Variants in TRIM36 observed in about 807,000 individuals in gnomAD.
TRIM36 encodes the protein tripartite motif containing 36, also known as E3 ubiquitin-protein ligase TRIM36.
In TRIM36, 42 loss-of-function variants were observed where a neutral mutation model predicts 72.4. The ratio of observed to expected loss-of-function variants is 0.58; its 90% CI spans 0.45 to 0.75. TRIM36 has a LOEUF of 0.75. Ranked by LOEUF, TRIM36 falls within the 30% of genes least tolerant of loss-of-function variation. TRIM36 has a pLI of 0.00. For missense variants in TRIM36, 913 were observed against 857.1 expected (o/e 1.07, Z -0.81); for synonymous variants, 315 against 282.8 (o/e 1.11, Z -1.14).
chr5:115,144,887 T>C (rs1753496024), intron 3 of TRIM36, 143 bp from the exon 4 acceptor site: 3 of 851,826 alleles, frequency 3.5e-6, no homozygotes, highest in Non-Finnish European at 3.5e-6. Context: ...AAATGGTTGA[T>C]ACATCACATG....
chr5:115,134,613 T>G (rs1752867348), intron 7 of TRIM36, among the ~76,000 whole-genome samples: 1 of 152,100 alleles, frequency 6.6e-6, no homozygotes, highest in South Asian at 2.1e-4. Flanking sequence ...TGATCTCAGC[T>G]CACTCCAACC....
intron 7 of TRIM36, 50 bp downstream of exon 7, chr5:115,136,950 A>G (rs1752993284): frequency 4.0e-6 from 6 of 1,514,702 alleles, no homozygotes; most frequent in Non-Finnish European, 5.3e-6. Context: ...CTTCCACACA[A>G]TACAAATTCA....
upstream of TRIM36, among the ~76,000 whole-genome samples, chr5:115,170,537 T>C (rs1001483786): frequency 2.0e-5 from 3 of 152,158 alleles, no homozygotes; most frequent in African/African-American, 7.2e-5. Flanking sequence ...TGGGGTTCCC[T>C]GGCCCCGCCC....
At chr5:115,156,136 A>G (rs1754167384) in intron 2 of TRIM36, among the ~76,000 whole-genome samples, 1 of 152,166 alleles carries the variant, frequency 6.6e-6, no homozygotes, top group African/African-American at 2.4e-5. Context: ...AAAGAAAACT[A>G]CAAAACACTG....
chr5:115,156,207 A>G (rs1374980764), intron 2 of TRIM36, among the ~76,000 whole-genome samples: 2 of 152,208 alleles, frequency 1.3e-5, no homozygotes, highest in East Asian at 3.8e-4. Flanking sequence ...ACGGATAGGT[A>G]GAATCAATAT....
rs549370550 is a variant in TRIM36, at chr5:115,162,723, C to T, written c.262+795G>A. Among the ~76,000 whole-genome samples, 91 of 152,106 alleles carry T rather than the reference C, an allele frequency of 6.0e-4. 1 individual carries two copies. Among genetic ancestry groups the T allele is most frequent in the African/African-American group, 2.1e-3 (88 of 41,456 alleles). ...CTACCAGCAGAATATCAAGTTTTAT[C>T]TAGTAGGACTGATTTCAAGGGATGC... On this transcript the variant is annotated intron_variant, in intron 2 of 9. Coordinates refer to ENST00000513154, the MANE Select transcript of TRIM36 (RefSeq NM_001300759.2).
At chr5:115,174,251 A>G (rs1279596956), upstream of TRIM36, 2 of 152,166 alleles carry the variant, frequency 1.3e-5, no homozygotes, top group African/African-American at 4.8e-5. Context: ...CCACCATTCT[A>G]TTGGTATATA....
At chr5:115,180,045 C>A in exon 1 of TRIM36, 2 of 1,613,514 alleles carry the variant, frequency 1.2e-6, no homozygotes, top group Non-Finnish European at 8.5e-7. Flanking sequence ...CATGTTTACA[C>A]CCCTTCACAA....
At position 115,147,396 on chromosome 5, in the gene TRIM36, T is replaced by G. The variant is rs1438381078; in HGVS notation, c.263-2A>C. 6.2e-7 allele frequency: 1 copy of G among 1,607,472 alleles called. No homozygotes were observed. ...GGGTCAATGAATTGCGCTTCCAGCC[T>G]GTGTAATTAGTAAGTCTTTGTTTAG... On this transcript the variant is annotated splice_acceptor_variant, in intron 2 of 9. Coordinates refer to ENST00000513154, the MANE Select transcript of TRIM36 (RefSeq NM_001300759.2). LOFTEE classifies it high-confidence loss of function.
chr5:115,142,771 T>C (rs977471117), intron 4 of TRIM36, among the ~76,000 whole-genome samples: 1 of 152,114 alleles, frequency 6.6e-6, no homozygotes, highest in African/African-American at 2.4e-5. Flanking sequence ...GCATTGAAGA[T>C]TAAAATGTAA....
At chr5:115,159,818 A>G (rs1445467241) in intron 2 of TRIM36, 11 of 370,384 alleles carry the variant, frequency 3.0e-5, no homozygotes, top group Non-Finnish European at 5.2e-5. Flanking sequence ...CCTGGTACAC[A>G]TAGTATTTAT....
At chr5:115,176,408 T>G (rs1258696519) in intron 1 of TRIM36, among the ~76,000 whole-genome samples, 1 of 152,202 alleles carries the variant, frequency 6.6e-6, no homozygotes, top group Non-Finnish European at 1.5e-5. Flanking sequence ...GCCTCAAAGA[T>G]GTTCAAAGTT....
chr5:115,132,217 T>G (rs9687531), intron 8 of TRIM36, among the ~76,000 whole-genome samples: 1 of 149,844 alleles, frequency 6.7e-6, no homozygotes. Flanking sequence ...TATATATATA[T>G]ACATATATAT....
In TRIM36 at chr5:115,169,030, G is replaced by T. The variant is rs547657050; in HGVS notation, c.27+578C>A. 2.0e-5 allele frequency: 3 copies of T among 152,416 alleles called. No individual in the cohort carries two copies. In the East Asian group the frequency reaches 5.8e-4, roughly 29 times the overall value. 9.4% of individuals were successfully genotyped at this position (152,416 alleles called of 1,614,324 possible). ...ACAAACTGATTAAGTGTGATGTGGCGGCTCCCTCAATTAAGCAGTTCCTCG... is the reference window on the plus strand; with the variant it reads ...ACAAACTGATTAAGTGTGATGTGGCTGCTCCCTCAATTAAGCAGTTCCTCG... On this transcript the variant is annotated intron_variant, in intron 1 of 9. Coordinates refer to ENST00000513154, the MANE Select transcript of TRIM36 (RefSeq NM_001300759.2).
chr5:115,133,826 T>A, intron 8 of TRIM36, 34 bp downstream of exon 8: 1 of 1,540,068 alleles, frequency 6.5e-7, no homozygotes, highest in Non-Finnish European at 8.7e-7. Context: ...TGCAACTAAC[T>A]CTATGCTTTT....
At chr5:115,137,219 A>G in intron 6 of TRIM36, 95 bp from the exon 7 acceptor site, 1 of 1,475,258 alleles carries the variant, frequency 6.8e-7, no homozygotes, top group African/African-American at 1.4e-5. Context: ...CCCACACTTC[A>G]CTCAAAATTA....
chr5:115,169,503 T>C, intron 1 of TRIM36, 105 bp downstream of exon 1: 1 of 1,274,256 alleles, frequency 7.8e-7, no homozygotes, highest in Non-Finnish European at 1.1e-6. Flanking sequence ...CTGCCTTTGC[T>C]CTCCCGGGAG....
At chr5:115,142,635 A>G (rs1397624294) in intron 4 of TRIM36, among the ~76,000 whole-genome samples, 1 of 152,212 alleles carries the variant, frequency 6.6e-6, no homozygotes, top group Non-Finnish European at 1.5e-5. Context: ...AGACAGCTCC[A>G]GTCATAATAG....
At chr5:115,159,067 T>C (rs1440730589) in intron 2 of TRIM36, among the ~76,000 whole-genome samples, 1 of 152,200 alleles carries the variant, frequency 6.6e-6, no homozygotes, top group East Asian at 1.9e-4. Context: ...GGTTGCCCCA[T>C]CTTTTACATA....
Sources: allele counts gnomAD v4.1 joint callset (sites outside exome capture counted in the v4.1 genomes callset), GRCh38; gene constraint gnomAD v4.1.1; transcripts MANE v1.5; gene names NCBI Gene and HGNC (gene_info 2026-07-23, HGNC 2026-07-21).